KCNJ15: variants seen among roughly 807,000 people sequenced by gnomAD.
KCNJ15 encodes ATP-sensitive inward rectifier potassium channel 15.
In KCNJ15, 14 loss-of-function variants were observed where a neutral mutation model predicts 23.0. That is an observed-to-expected ratio of 0.61 (90% CI 0.40 to 0.95). KCNJ15 has a LOEUF of 0.95. KCNJ15 is among the 40% of genes least tolerant of loss of function. The probability of loss-of-function intolerance (pLI) is 0.00; values close to 1 mark genes in which losing one functional copy is unlikely to be tolerated. For missense variants in KCNJ15, 388 were observed against 461.8 expected, an observed-to-expected ratio of 0.84 and a Z score of 1.46; for synonymous variants, 185 against 183.2, an observed-to-expected ratio of 1.01 and a Z score of -0.08.
Position 38,297,429 on chromosome 21 carries a change from C to T in KCNJ15, c.-19+406C>T, listed in dbSNP as rs191507535. The stretch of plus-strand genomic sequence containing the variant: ...GCCCGCAGGACACTTGTGTATCACT[C>T]ACACTGGAAAACTTAATCCTCTGTT... On this transcript the variant is annotated intron_variant, in intron 2 of 2. Transcript: ENST00000398938. Among the ~76,000 whole-genome samples, 227 of 152,316 alleles carry T rather than the reference C, an allele frequency of 1.5e-3. 4 individuals carry two copies. Among genetic ancestry groups the T allele is most frequent in the Non-Finnish European group, 1.5e-3 (104 of 68,032 alleles).
rs1240318949 is a variant in KCNJ15, at chr21:38,306,212, T to C, written c.*5823T>C. The C allele has an allele frequency of 6.6e-6, 1 of 152,226 alleles. No individual in the cohort carries two copies. Among genetic ancestry groups the C allele is most frequent in the Non-Finnish European group, 1.5e-5 (1 of 68,038 alleles). 9.4% of individuals were successfully genotyped at this position (152,226 alleles called of 1,614,324 possible). Reference sequence around the variant, plus strand: ...ATGTAGTACTTAGCTATAATTTTATTTTTATTCAAGGCCAAATCTTATCTG... The same window carrying C: ...ATGTAGTACTTAGCTATAATTTTATCTTTATTCAAGGCCAAATCTTATCTG... On this transcript the variant is annotated 3_prime_UTR_variant, in exon 3 of 3. Coordinates refer to ENST00000398938, the MANE Select transcript of KCNJ15 (RefSeq NM_170736.3).
chr21:38,288,423 A>G (rs1293381324), intron 1 of KCNJ15, among the ~76,000 whole-genome samples: 1 of 152,136 alleles, frequency 6.6e-6, no homozygotes, highest in African/African-American at 2.4e-5. Context: ...ATGAATGCCA[A>G]TGAAGATAAG....
chr21:38,230,292 C>T (rs754148757), intron 1 of KCNJ15, among the ~76,000 whole-genome samples: 3 of 152,000 alleles, frequency 2.0e-5, no homozygotes, highest in Non-Finnish European at 4.4e-5. Context: ...TGTTGAACAT[C>T]TTTTCATGTT....
intron 1 of KCNJ15, chr21:38,238,744 G>T (rs1216004558): frequency 5.3e-6 from 2 of 378,968 alleles, no homozygotes; most frequent in Admixed American, 3.6e-5. Flanking sequence ...TTCCCCACTG[G>T]AAGGAAAAGA....
chr21:38,264,425 A>G (rs1314190819), intron 1 of KCNJ15, among the ~76,000 whole-genome samples: 1 of 152,064 alleles, frequency 6.6e-6, no homozygotes, highest in East Asian at 1.9e-4. Context: ...CCCACTTTAC[A>G]ATGGCCTGCT....
At chr21:38,261,411 A>G (rs892821367) in intron 1 of KCNJ15, among the ~76,000 whole-genome samples, 2 of 152,250 alleles carry the variant, frequency 1.3e-5, no homozygotes, top group African/African-American at 2.4e-5. Flanking sequence ...TGTGTCATAC[A>G]TAGTAAAGCC....
At chr21:38,286,868 T>C (rs1983967152) in intron 1 of KCNJ15, among the ~76,000 whole-genome samples, 1 of 152,206 alleles carries the variant, frequency 6.6e-6, no homozygotes, top group Non-Finnish European at 1.5e-5. Flanking sequence ...AAACCACAGA[T>C]GTACTAGCTG....
Position 38,279,909 on chromosome 21 carries a change from C to T in KCNJ15, c.-116-17017C>T, listed in dbSNP as rs114519336. 8.4e-3 allele frequency among the ~76,000 whole-genome samples: 1,284 copies of T among 152,186 alleles called. 23 individuals are homozygous for T. Among genetic ancestry groups the T allele is most frequent in the African/African-American group, 0.03 (1,247 of 41,478 alleles). On this transcript the variant is annotated intron_variant, in intron 1 of 2. Transcript: ENST00000398938. ...TTGCCAAGGTCTTTCAACTGGGGTC[C>T]CACTCTCAATTTTACTTCCTGAAAG...
rs1985872476 is a variant in KCNJ15 at position 38,302,529 on chromosome 21, A to T, written c.*2140A>T. Reference sequence around the variant, plus strand: ...ATAATTTTATGGAAGGTTGCTTTAGATCTCCATTCCTTAAAAAAATATTAC... The same window carrying T: ...ATAATTTTATGGAAGGTTGCTTTAGTTCTCCATTCCTTAAAAAAATATTAC... On this transcript the variant is annotated 3_prime_UTR_variant, in exon 3 of 3. Transcript: ENST00000398938. The T allele has an allele frequency of 4.0e-5, 1 of 24,702 alleles. No homozygotes were observed. Among genetic ancestry groups the T allele is most frequent in the Non-Finnish European group, 7.2e-5 (1 of 13,964 alleles). The allele number at this position is 24,702 out of a possible 1,614,324, so 1.5% of individuals were successfully genotyped here. A position where few individuals can be genotyped will look rare whatever the true frequency, so the allele number is the denominator to read the frequency against.
intron 1 of KCNJ15, among the ~76,000 whole-genome samples, chr21:38,288,148 C>T (rs905681994): frequency 4.2e-5 from 6 of 143,244 alleles, no homozygotes; most frequent in African/African-American, 1.3e-4. Flanking sequence ...TCACGCCATT[C>T]TCCTGCCTCA....
chr21:38,269,743 A>T (rs1044380437), intron 1 of KCNJ15, among the ~76,000 whole-genome samples: 2 of 152,196 alleles, frequency 1.3e-5, no homozygotes, highest in African/African-American at 2.4e-5. Flanking sequence ...TACTCTCTGA[A>T]ACCAGAGAGG....
chr21:38,298,328 T>C (rs773382402), intron 2 of KCNJ15: 2 of 152,182 alleles, frequency 1.3e-5, no homozygotes, highest in Admixed American at 6.5e-5. Flanking sequence ...CTTATTGACT[T>C]TTTCATTTGC....
chr21:38,290,995 A>AACACACACACACACACACACACACACAC (rs57018976), intron 1 of KCNJ15, among the ~76,000 whole-genome samples: 5 of 127,198 alleles, frequency 3.9e-5, no homozygotes, highest in African/African-American at 1.5e-4. Flanking sequence ...AAAAAGGCTA[A>AACACACACACACACACACACACACACAC]ACACACACAC....
intron 1 of KCNJ15, among the ~76,000 whole-genome samples, chr21:38,244,438 A>C (rs1301896387): frequency 6.6e-6 from 1 of 152,134 alleles, no homozygotes; most frequent in Non-Finnish European, 1.5e-5. Flanking sequence ...ATTGGACCTT[A>C]AGATCAGAAT....
chr21:38,277,859 T>C (rs1000419884), intron 1 of KCNJ15, among the ~76,000 whole-genome samples: 25 of 151,622 alleles, frequency 1.6e-4, no homozygotes, highest in Non-Finnish European at 7.4e-5. Flanking sequence ...AGATTATTAA[T>C]CCACGGATTA....
At chr21:38,269,144 G>A (rs189354618) in intron 1 of KCNJ15, 1 of 152,280 alleles carries the variant, frequency 6.6e-6, no homozygotes, top group Non-Finnish European at 1.5e-5. Flanking sequence ...TGAATCAGTA[G>A]GGAATGAGCA....
chr21:38,303,301 G>A lies in KCNJ15; in HGVS notation c.*2912G>A, dbSNP rs1985922036. On this transcript the variant is annotated 3_prime_UTR_variant, in exon 3 of 3. Transcript: ENST00000398938. The stretch of plus-strand genomic sequence containing the variant: ...CCAACTAAGGAGGAGCCAAAGTAGT[G>A]GAGTATTCCTGACCCAAAAAGGCTT... 1 of 151,574 alleles carries A rather than the reference G, an allele frequency of 6.6e-6. No individual in the cohort carries two copies. Among genetic ancestry groups the A allele is most frequent in the African/African-American group, 2.4e-5 (1 of 41,250 alleles). The allele number at this position is 151,574 out of a possible 1,614,324, so 9.4% of individuals were successfully genotyped here.
rs147996100 is a variant in KCNJ15, at chr21:38,244,276, G to A, written c.-398-12770G>A. Among the ~76,000 whole-genome samples, 614 of 152,254 alleles carry A rather than the reference G, an allele frequency of 4.0e-3. 4 individuals are homozygous for A. Among genetic ancestry groups the A allele is most frequent in the South Asian group, 0.016 (79 of 4,826 alleles). On this transcript the variant is annotated intron_variant, in intron 1 of 4. Transcript: ENST00000547341. The stretch of plus-strand genomic sequence containing the variant: ...CCAGATTTGATGTGTTTTGTGTAAC[G>A]TAAGCCAGATTGTACCTCCTTCTCT...
chr21:38,262,338 C>T (rs1035894167), intron 1 of KCNJ15, among the ~76,000 whole-genome samples: 1 of 152,128 alleles, frequency 6.6e-6, no homozygotes, highest in Non-Finnish European at 1.5e-5. Flanking sequence ...AAATAAGAAA[C>T]CTGCCCTGTC....
Sources: gnomAD v4.1 joint callset for allele counts (sites outside exome capture counted in the v4.1 genomes callset) on GRCh38, gnomAD v4.1.1 for gene constraint, MANE v1.5 for transcripts, NCBI Gene and HGNC (gene_info 2026-07-23, HGNC 2026-07-21) for gene names.